The following ZDHHC21 variants were observed in gnomAD, a reference collection of about 807,000 sequenced individuals.
The protein encoded by ZDHHC21 is zDHHC palmitoyltransferase 21, also known as palmitoyltransferase ZDHHC21.
ZDHHC21 carries 15 observed loss-of-function variants against 34.6 expected under a neutral mutation model. The ratio of observed to expected loss-of-function variants is 0.43; its 90% CI spans 0.29 to 0.67. ZDHHC21 has a LOEUF of 0.67. Among genes scored for constraint, ZDHHC21 ranks in the 30% least tolerant of loss-of-function variants. The probability of loss-of-function intolerance (pLI) is 0.14; values close to 1 mark genes in which losing one functional copy is unlikely to be tolerated. For synonymous variants in ZDHHC21, 142 were observed against 101.8 expected, an observed-to-expected ratio of 1.40 and a Z score of -2.38; for missense variants, 344 against 327.7, an observed-to-expected ratio of 1.05 and a Z score of -0.38.
chr9:14,657,133 G>A (rs1054167363), intron 7 of ZDHHC21, among the ~76,000 whole-genome samples: 10 of 151,884 alleles, frequency 6.6e-5, no homozygotes, highest in South Asian at 2.1e-4. Context: ...AATTTCAAAC[G>A]TCTTAATACT....
chr9:14,672,654 A>C (rs4278237), intron 5 of ZDHHC21, among the ~76,000 whole-genome samples, 176 bp downstream of exon 5: 35,452 of 151,960 alleles, frequency 0.23, 4,203 homozygotes, highest in South Asian at 0.38. Flanking sequence ...GCCGGGGTGC[A>C]GGGGGAGCAG....
At chr9:14,646,774 A>G (rs1215690392) in intron 7 of ZDHHC21, among the ~76,000 whole-genome samples, 3 of 152,194 alleles carry the variant, frequency 2.0e-5, no homozygotes, top group South Asian at 2.1e-4. Flanking sequence ...ATTACAGAAA[A>G]TCCCAGTATT....
At chr9:14,692,395 T>C (rs1839285765) in intron 1 of ZDHHC21, among the ~76,000 whole-genome samples, 1 of 152,206 alleles carries the variant, frequency 6.6e-6, no homozygotes, top group South Asian at 2.1e-4. Context: ...TTAGTCGCCT[T>C]TGGACTGTAA....
the ZDHHC21 span, among the ~76,000 whole-genome samples, chr9:14,597,571 G>A: frequency 6.6e-6 from 1 of 152,124 alleles, no homozygotes; most frequent in African/African-American, 2.4e-5. Flanking sequence ...GGACCAGCTT[G>A]CCCCAGTGCC....
At chr9:14,647,242 T>G (rs1295823104) in intron 7 of ZDHHC21, among the ~76,000 whole-genome samples, 1 of 152,102 alleles carries the variant, frequency 6.6e-6, no homozygotes, top group African/African-American at 2.4e-5. Flanking sequence ...CATTTAAAAA[T>G]TTTTAAATGT....
rs573973667 is a variant in ZDHHC21, at chr9:14,617,367, T to A, written c.*1599A>T. On this transcript the variant is annotated 3_prime_UTR_variant, in exon 10 of 10. Transcript: ENST00000380916. Reference sequence around the variant, plus strand: ...GAACATGAAAAACATGATATTAACATCTCTGAGAAGAACTTACTCTATTAT... The same window carrying A: ...GAACATGAAAAACATGATATTAACAACTCTGAGAAGAACTTACTCTATTAT... The A allele has an allele frequency of 2.0e-5, 3 of 152,138 alleles. No homozygotes were observed. Among genetic ancestry groups the A allele is most frequent in the South Asian group, 2.1e-4 (1 of 4,828 alleles). 9.4% of individuals were successfully genotyped at this position (152,138 alleles called of 1,614,324 possible).
Position 14,611,213 on chromosome 9 carries a change from G to A in ZDHHC21, c.*7753C>T, listed in dbSNP as rs966647297. 2 of 151,714 alleles carry A rather than the reference G, an allele frequency of 1.3e-5. No individual in the cohort carries two copies. The highest frequency in any genetic ancestry group is 6.6e-5 in the Admixed American group (1 of 15,208). The allele number at this position is 151,714 out of a possible 1,614,324, so 9.4% of individuals were successfully genotyped here. A position where few individuals can be genotyped will look rare whatever the true frequency, so the allele number is the denominator to read the frequency against. ...AATATTACGTGAAAAAAACTAAATCGCTACAATAAATTAAAAACAACAACA... is the reference window on the plus strand; with the variant it reads ...AATATTACGTGAAAAAAACTAAATCACTACAATAAATTAAAAACAACAACA... On this transcript the variant is annotated 3_prime_UTR_variant, in exon 10 of 10. Transcript: ENST00000380916.
At chr9:14,623,420 T>C (rs545137411) in intron 8 of ZDHHC21, among the ~76,000 whole-genome samples, 1 of 151,750 alleles carries the variant, frequency 6.6e-6, no homozygotes, top group African/African-American at 2.4e-5. Flanking sequence ...TCCTCGCTAC[T>C]TGGGGGACTT....
At chr9:14,648,777 T>C (rs1446834640) in intron 7 of ZDHHC21, among the ~76,000 whole-genome samples, 2 of 152,112 alleles carry the variant, frequency 1.3e-5, no homozygotes, top group African/African-American at 2.4e-5. Flanking sequence ...TTAATAAATG[T>C]TCCTCACAAT....
chr9:14,626,410 G>A (rs80254296), intron 8 of ZDHHC21, among the ~76,000 whole-genome samples: 2,551 of 151,922 alleles, frequency 0.017, 60 homozygotes, highest in African/African-American at 0.057. Flanking sequence ...GTTTCCTTAC[G>A]AACACTTTTT....
rs573982059 is a variant in ZDHHC21, at chr9:14,672,252, T to A, written c.253+578A>T. ...TGCTCAACCTTTAAACATTCCTGAA[T>A]AAATGTCACTATTCTACAGTTTCAA... On this transcript the variant is annotated intron_variant, in intron 5 of 9. Transcript: ENST00000380916. Among the ~76,000 whole-genome samples the A allele has an allele frequency of 2.0e-5, 3 of 152,126 alleles. No individual in the cohort carries two copies. In the East Asian group the frequency reaches 5.8e-4, roughly 29 times the overall value.
chr9:14,644,288 T>C (rs1216735538), intron 7 of ZDHHC21, among the ~76,000 whole-genome samples: 2 of 152,198 alleles, frequency 1.3e-5, no homozygotes, highest in East Asian at 1.9e-4. Context: ...AGATAAATCA[T>C]TTATACAGTT....
the ZDHHC21 span, among the ~76,000 whole-genome samples, chr9:14,598,668 A>T: frequency 6.6e-6 from 1 of 152,208 alleles, no homozygotes; most frequent in Non-Finnish European, 1.5e-5. Flanking sequence ...AGCTCAGTGA[A>T]ATATAAGAGA....
the ZDHHC21 span, among the ~76,000 whole-genome samples, chr9:14,605,081 T>G: frequency 1.3e-5 from 2 of 152,182 alleles, no homozygotes; most frequent in Non-Finnish European, 2.9e-5. Flanking sequence ...TGTACGTATA[T>G]ACTAAATTTT....
intron 5 of ZDHHC21, among the ~76,000 whole-genome samples, chr9:14,667,664 G>A (rs1189890221): frequency 1.1e-5 from 1 of 90,334 alleles, no homozygotes; most frequent in Non-Finnish European, 2.2e-5. Flanking sequence ...GATCAAGTGG[G>A]CTTCATCCCT....
intron 1 of ZDHHC21, among the ~76,000 whole-genome samples, chr9:14,691,223 G>A (rs1402883996): frequency 1.3e-5 from 2 of 152,088 alleles, no homozygotes; most frequent in Non-Finnish European, 2.9e-5. Context: ...AGACTAGCAG[G>A]AGGACAAACA....
At chr9:14,664,940 T>C (rs1194520051) in intron 5 of ZDHHC21, among the ~76,000 whole-genome samples, 7 of 150,642 alleles carry the variant, frequency 4.6e-5, no homozygotes, top group Admixed American at 2.0e-4. Flanking sequence ...ATGCAGAGCG[T>C]CTCTCCTCCT....
At chr9:14,650,495 C>T in intron 7 of ZDHHC21, among the ~76,000 whole-genome samples, 1 of 151,638 alleles carries the variant, frequency 6.6e-6, no homozygotes, top group Admixed American at 6.6e-5. Context: ...AAATAAATGA[C>T]CTTCTAGATA....
At position 14,628,614 on chromosome 9, in the gene ZDHHC21, A is replaced by G. The variant is rs192365261; in HGVS notation, c.622-8932T>C. Among the ~76,000 whole-genome samples the G allele has an allele frequency of 2.6e-5, 4 of 152,262 alleles. No homozygotes were observed. The East Asian group carries it at 7.7e-4, about 29-fold the overall frequency. ...AAAGTAAGACTGCAATGGAAGGATT[A>G]AATTTACTGTGATTCTTTCTCCCAC... On this transcript the variant is annotated intron_variant, in intron 8 of 9. Transcript: ENST00000380916.
Sources: allele counts gnomAD v4.1 joint callset (sites outside exome capture counted in the v4.1 genomes callset), GRCh38; gene constraint gnomAD v4.1.1; transcripts MANE v1.5; gene names NCBI Gene and HGNC (gene_info 2026-07-23, HGNC 2026-07-21).